The following USH2A variants were observed in gnomAD, a reference collection of about 807,000 sequenced individuals.
USH2A encodes the protein Usher syndrome 2A (autosomal recessive, mild).
In USH2A, 443 loss-of-function variants were observed where a neutral mutation model predicts 538.9. That is an observed-to-expected ratio of 0.82 (90% CI 0.76 to 0.89). The LOEUF is 0.89. USH2A is among the 40% of genes least tolerant of loss of function. The pLI is 0.00. For missense variants in USH2A, 6,633 were observed against 6,324.8 expected (o/e 1.05, Z -1.65); for synonymous variants, 2,413 against 2,273.5 (o/e 1.06, Z -1.75).
At chr1:215,760,093 C>G (rs886217281) in intron 56 of USH2A, among the ~76,000 whole-genome samples, 12 of 152,186 alleles carry the variant, frequency 7.9e-5, no homozygotes, top group African/African-American at 2.9e-4. Flanking sequence ...TTGGTTGTCA[C>G]TCTGAGAGTA....
At chr1:216,177,290 G>A (rs1431084248) in intron 20 of USH2A, among the ~76,000 whole-genome samples, 1 of 152,046 alleles carries the variant, frequency 6.6e-6, no homozygotes, top group East Asian at 1.9e-4. Flanking sequence ...ATTTTAATTT[G>A]CATTTCCCTT....
At chr1:216,291,721 T>A (rs1214926307) in intron 10 of USH2A, among the ~76,000 whole-genome samples, 1 of 152,160 alleles carries the variant, frequency 6.6e-6, no homozygotes, top group Non-Finnish European at 1.5e-5. Context: ...TTAATTAGTA[T>A]TTTCAAAAAG....
intron 11 of USH2A, among the ~76,000 whole-genome samples, chr1:216,272,429 G>A (rs1040766107): frequency 6.6e-5 from 10 of 151,954 alleles, no homozygotes; most frequent in African/African-American, 1.2e-4. Context: ...AAACTATTGC[G>A]TTTGTTCATT....
intron 40 of USH2A, among the ~76,000 whole-genome samples, chr1:215,897,211 A>G (rs186570774): frequency 1.7e-3 from 261 of 152,248 alleles, no homozygotes; most frequent in African/African-American, 6.1e-3. Flanking sequence ...CTTGCTGAAA[A>G]TCACTGTCTT....
intron 21 of USH2A, among the ~76,000 whole-genome samples, chr1:216,151,375 T>C (rs1443894122): frequency 1.3e-5 from 2 of 152,156 alleles, no homozygotes; most frequent in African/African-American, 4.8e-5. Context: ...TACACTAGTC[T>C]TCCTTACCCC....
intron 47 of USH2A, among the ~76,000 whole-genome samples, chr1:215,835,963 C>A (rs1416842): frequency 0.034 from 5,166 of 152,056 alleles, 97 homozygotes; most frequent in African/African-American, 0.05. Context: ...TGGATACAAG[C>A]AATTTTTAAT....
intron 3 of USH2A, among the ~76,000 whole-genome samples, chr1:216,400,834 A>G (rs1259832307): frequency 6.6e-6 from 1 of 152,176 alleles, no homozygotes; most frequent in Non-Finnish European, 1.5e-5. Flanking sequence ...TTTTATATCC[A>G]GCAAAAATAT....
Position 215,697,782 on chromosome 1 carries a change from A to G in USH2A, c.12067-17406T>C, listed in dbSNP as rs542103828. 1.4e-3 allele frequency among the ~76,000 whole-genome samples: 213 copies of G among 152,230 alleles called. 1 individual carries two copies. The highest frequency in any genetic ancestry group is 2.3e-3 in the Non-Finnish European group (154 of 68,012). On this transcript the variant is annotated intron_variant, in intron 61 of 71. Transcript: ENST00000307340. ...GTGATCTGCCCACTTCGGACTCCCA[A>G]AGTGCTGGGATTACAGGCATGATCC...
chr1:216,287,707 T>C (rs1298492023), intron 11 of USH2A, among the ~76,000 whole-genome samples: 1 of 152,140 alleles, frequency 6.6e-6, no homozygotes, highest in Non-Finnish European at 1.5e-5. Context: ...CTGTAACTCG[T>C]GTAGGTTAGA....
Position 215,912,517 on chromosome 1 carries a change from A to ATATG in USH2A, c.7301-11613_7301-11612insCATA, listed in dbSNP as rs1449894776. 2.1e-3 allele frequency among the ~76,000 whole-genome samples: 269 copies of ATATG among 127,974 alleles called. 1 individual carries two copies. The highest frequency in any genetic ancestry group is 1.9e-3 in the Non-Finnish European group (116 of 60,146). 84.0% of individuals were successfully genotyped at this position (127,974 alleles called of 152,430 possible). The stretch of plus-strand genomic sequence containing the variant: ...TGTATATATATATATATATACGTGT[A>ATATG]TATATATATATATATATATGAAGTA... On this transcript the variant is annotated intron_variant, in intron 38 of 71. Transcript: ENST00000307340.
At chr1:216,329,550 T>C (rs910297947) in intron 4 of USH2A, among the ~76,000 whole-genome samples, 18 of 152,124 alleles carry the variant, frequency 1.2e-4, no homozygotes, top group African/African-American at 4.3e-4. Context: ...TCCCGTTTTT[T>C]CTTTACCTTC....
intron 19 of USH2A, among the ~76,000 whole-genome samples, chr1:216,193,865 C>T (rs1001633537): frequency 1.3e-5 from 2 of 152,016 alleles, no homozygotes; most frequent in African/African-American, 4.8e-5. Flanking sequence ...TTACACCAGC[C>T]CGAGGACACA....
At chr1:215,899,407 C>G (rs1665433951) in intron 40 of USH2A, among the ~76,000 whole-genome samples, 1 of 152,174 alleles carries the variant, frequency 6.6e-6, no homozygotes, top group Non-Finnish European at 1.5e-5. Context: ...AAAAACCCCT[C>G]TACTTTCATA....
chr1:215,672,977 T>C (rs1657874469), intron 63 of USH2A, among the ~76,000 whole-genome samples: 1 of 152,146 alleles, frequency 6.6e-6, no homozygotes, highest in Non-Finnish European at 1.5e-5. Flanking sequence ...AGGGAGCAAA[T>C]TGATATGGTT....
chr1:216,233,409 C>G (rs544043166), intron 13 of USH2A, among the ~76,000 whole-genome samples: 125 of 152,230 alleles, frequency 8.2e-4, no homozygotes, highest in African/African-American at 2.9e-3. Context: ...GCATAGCATC[C>G]TGTTTGTTTC....
intron 4 of USH2A, among the ~76,000 whole-genome samples, chr1:216,357,112 T>G (rs1212309692): frequency 1.3e-5 from 2 of 152,150 alleles, no homozygotes; most frequent in African/African-American, 4.8e-5. Context: ...TACTACCTTA[T>G]GATTGCATAT....
intron 61 of USH2A, among the ~76,000 whole-genome samples, chr1:215,700,401 C>A (rs1323567513): frequency 1.3e-5 from 2 of 152,110 alleles, no homozygotes; most frequent in Non-Finnish European, 2.9e-5. Context: ...CCTCTTTGTA[C>A]CTCTGGTAGA....
At chr1:216,302,514 A>G (rs1220474563) in intron 9 of USH2A, among the ~76,000 whole-genome samples, 1 of 152,110 alleles carries the variant, frequency 6.6e-6, no homozygotes, top group Non-Finnish European at 1.5e-5. Context: ...CCTTGGCTAG[A>G]AATTCTTACA....
At chr1:215,831,379 C>G (rs2102809540) in intron 47 of USH2A, among the ~76,000 whole-genome samples, 1 of 152,178 alleles carries the variant, frequency 6.6e-6, no homozygotes, top group African/African-American at 2.4e-5. Context: ...TTGACATTTA[C>G]AAAACACTCT....
Sources: allele counts gnomAD v4.1 joint callset (sites outside exome capture counted in the v4.1 genomes callset), GRCh38; gene constraint gnomAD v4.1.1; transcripts MANE v1.5; gene names NCBI Gene and HGNC (gene_info 2026-07-23, HGNC 2026-07-21).